Variants in GALNT16 observed in about 807,000 individuals in gnomAD.
The protein encoded by GALNT16 is polypeptide N-acetylgalactosaminyltransferase 16.
In GALNT16, 40 loss-of-function variants were observed where a neutral mutation model predicts 76.1. That is an observed-to-expected ratio of 0.53 (90% confidence interval 0.41 to 0.68). The LOEUF (loss-of-function observed/expected upper bound fraction) is 0.68. GALNT16 is among the 30% of genes least tolerant of loss of function. GALNT16 has a pLI of 0.00. For synonymous variants in GALNT16, 276 were observed against 285.2 expected, an observed-to-expected ratio of 0.97 and a Z score of 0.32; for missense variants, 621 against 731.9, an observed-to-expected ratio of 0.85 and a Z score of 1.75.
chr14:69,349,128 C>G (rs2045600656), intron 14 of GALNT16: 1 of 152,360 alleles, frequency 6.6e-6, no homozygotes, highest in African/African-American at 2.4e-5. Context: ...GATCTGTGTG[C>G]CCAGCCCACT....
chr14:69,315,266 G>GA (rs1277009159), intron 1 of GALNT16, among the ~76,000 whole-genome samples: 3 of 152,150 alleles, frequency 2.0e-5, no homozygotes, highest in Non-Finnish European at 4.4e-5. Context: ...CCATTTTATA[G>GA]AAAAAAGTCA....
At chr14:69,291,378 C>A (rs2044685392) in intron 1 of GALNT16, among the ~76,000 whole-genome samples, 2 of 152,288 alleles carry the variant, frequency 1.3e-5, no homozygotes, top group African/African-American at 2.4e-5. Context: ...CCCTCCCCGG[C>A]TTATTAGATA....
chr14:69,326,722 G>A (rs1311199120), intron 5 of GALNT16, among the ~76,000 whole-genome samples: 1 of 152,234 alleles, frequency 6.6e-6, no homozygotes, highest in Admixed American at 6.5e-5. Context: ...AATACTAACA[G>A]CCCCTTTCCT....
chr14:69,347,477 A>G (rs553483118), intron 13 of GALNT16, among the ~76,000 whole-genome samples: 72 of 152,220 alleles, frequency 4.7e-4, no homozygotes, highest in African/African-American at 1.7e-3. Flanking sequence ...GGCAATGTCC[A>G]AGACTCCTGT....
chr14:69,307,962 G>A (rs566861073), intron 1 of GALNT16, among the ~76,000 whole-genome samples: 27 of 152,128 alleles, frequency 1.8e-4, no homozygotes, highest in African/African-American at 3.1e-4. Flanking sequence ...GTCAAGTTGG[G>A]TTGCCAACCA....
At chr14:69,276,637 C>T (rs371225732) in intron 1 of GALNT16, among the ~76,000 whole-genome samples, 24 of 150,904 alleles carry the variant, frequency 1.6e-4, no homozygotes, top group East Asian at 1.2e-3. Flanking sequence ...GCCGAGATCA[C>T]GCCACTGCAC....
chr14:69,301,679 GCATT>G, intron 1 of GALNT16, among the ~76,000 whole-genome samples: 1 of 152,114 alleles, frequency 6.6e-6, no homozygotes, highest in Non-Finnish European at 1.5e-5. Flanking sequence ...TTAAGTAACT[GCATT>G]CTAGAATCAA....
At chr14:69,320,919 C>A (rs375811129) in intron 2 of GALNT16, 51 bp downstream of exon 2, 11 of 1,548,770 alleles carry the variant, frequency 7.1e-6, no homozygotes, top group Non-Finnish European at 8.9e-6. Flanking sequence ...AGAAAGCCAA[C>A]ATTGTTTAGT....
chr14:69,325,496 A>G (rs928942567), intron 4 of GALNT16, 92 bp downstream of exon 4: 4 of 804,336 alleles, frequency 5.0e-6, no homozygotes, highest in Non-Finnish European at 9.0e-6. Context: ...GGTTGTCCTG[A>G]CCATCGCAGA....
At chr14:69,360,613 AAG>A (rs2045718328), downstream of GALNT16, among the ~76,000 whole-genome samples, 1 of 115,276 alleles carries the variant, frequency 8.7e-6, no homozygotes, top group African/African-American at 2.9e-5. Context: ...CTAAAAAAAA[AAG>A]AAGAAGAAGA....
intron 5 of GALNT16, 126 bp from the exon 6 acceptor site, chr14:69,328,324 A>G (rs1427564195): frequency 1.0e-6 from 1 of 996,714 alleles, no homozygotes; most frequent in Non-Finnish European, 1.5e-6. Flanking sequence ...TATAAAGTCA[A>G]ATCTAATCAC....
intron 1 of GALNT16, among the ~76,000 whole-genome samples, chr14:69,312,187 G>T (rs1027977912): frequency 2.2e-4 from 33 of 152,012 alleles, no homozygotes; most frequent in Admixed American, 2.0e-3. Context: ...GGAGTTTGAG[G>T]CTGCAGTGAG....
intron 1 of GALNT16, among the ~76,000 whole-genome samples, chr14:69,276,462 C>T (rs1267802232): frequency 6.6e-6 from 1 of 152,128 alleles, no homozygotes; most frequent in African/African-American, 2.4e-5. Flanking sequence ...GTGGGCGGAT[C>T]ACGAGGTCAG....
At chr14:69,374,463 G>A in the GALNT16 span, among the ~76,000 whole-genome samples, 14 of 152,140 alleles carry the variant, frequency 9.2e-5, no homozygotes, top group South Asian at 2.9e-3. Context: ...TATATACCAG[G>A]CATTTTCCTA....
intron 1 of GALNT16, among the ~76,000 whole-genome samples, chr14:69,318,983 G>T (rs1278830758): frequency 1.3e-5 from 2 of 152,136 alleles, no homozygotes; most frequent in African/African-American, 4.8e-5. Flanking sequence ...TCCATCTTCC[G>T]TCTTTCCTGA....
chr14:69,346,086 G>A (rs2045560445), intron 12 of GALNT16, among the ~76,000 whole-genome samples: 2 of 151,754 alleles, frequency 1.3e-5, no homozygotes, highest in South Asian at 4.2e-4. Context: ...TAGAGATGGG[G>A]TCTTTCTGTG....
At chr14:69,272,415 G>A (rs2044417240) in intron 1 of GALNT16, among the ~76,000 whole-genome samples, 1 of 152,102 alleles carries the variant, frequency 6.6e-6, no homozygotes, top group Non-Finnish European at 1.5e-5. Context: ...GGTTGTCCAA[G>A]GAAGGTTATA....
chr14:69,342,930 C>T (rs1232510094), intron 12 of GALNT16, among the ~76,000 whole-genome samples: 2 of 152,156 alleles, frequency 1.3e-5, no homozygotes, highest in African/African-American at 2.4e-5. Flanking sequence ...TCCTTGTAGC[C>T]GTTATTATCA....
the GALNT16 span, among the ~76,000 whole-genome samples, chr14:69,362,112 C>T: frequency 3.3e-5 from 5 of 152,196 alleles, no homozygotes; most frequent in African/African-American, 7.2e-5. Context: ...GAGGCGATTG[C>T]GAATGGTCTG....
Sources: gnomAD v4.1 joint callset for allele counts (sites outside exome capture counted in the v4.1 genomes callset) on GRCh38, gnomAD v4.1.1 for gene constraint, MANE v1.5 for transcripts, NCBI Gene and HGNC (gene_info 2026-07-23, HGNC 2026-07-21) for gene names.